Variants in MAGI3 observed in about 807,000 individuals in gnomAD.
MAGI3 encodes membrane-associated guanylate kinase, WW and PDZ domain-containing protein 3.
In MAGI3, 43 loss-of-function variants were observed where a neutral mutation model predicts 121.8. The observed-to-expected ratio is 0.35, with a 90% CI of 0.28 to 0.46. The LOEUF is 0.46. MAGI3 is among the 20% of genes least tolerant of loss of function. The probability of loss-of-function intolerance (pLI) is 1.00; values close to 1 mark genes in which losing one functional copy is unlikely to be tolerated. For synonymous variants in MAGI3, 553 were observed against 639.3 expected (o/e 0.86, Z 2.04); for missense variants, 1,547 against 1,797.3 (o/e 0.86, Z 2.52).
chr1:113,590,295 T>G (rs1648614730), intron 4 of MAGI3, among the ~76,000 whole-genome samples, 189 bp from the exon 5 acceptor site: 1 of 152,130 alleles, frequency 6.6e-6, no homozygotes, highest in African/African-American at 2.4e-5. Flanking sequence ...ACAGAGTTAA[T>G]TGTCAATTAC....
At chr1:113,458,801 C>T (rs1393609141) in intron 1 of MAGI3, among the ~76,000 whole-genome samples, 1 of 152,198 alleles carries the variant, frequency 6.6e-6, no homozygotes, top group African/African-American at 2.4e-5. Flanking sequence ...GAACTTCCTG[C>T]CTTGGCCTCC....
At chr1:113,543,776 G>A (rs540760627) in intron 1 of MAGI3, among the ~76,000 whole-genome samples, 5 of 152,102 alleles carry the variant, frequency 3.3e-5, no homozygotes, top group Admixed American at 6.5e-5. Context: ...GCTGAGGTGG[G>A]AGGATTGCTG....
At chr1:113,520,502 T>TA (rs1228638831) in intron 1 of MAGI3, among the ~76,000 whole-genome samples, 21 of 152,340 alleles carry the variant, frequency 1.4e-4, no homozygotes, top group African/African-American at 4.8e-4. Flanking sequence ...TAAGCTTACT[T>TA]ATACTGCTAT....
chr1:113,614,276 A>C (rs1021047966), intron 6 of MAGI3, among the ~76,000 whole-genome samples: 4 of 152,182 alleles, frequency 2.6e-5, no homozygotes, highest in Admixed American at 6.5e-5. Context: ...CTACAAGGGT[A>C]AATATGTCTT....
chr1:113,481,163 C>A (rs1199797194), intron 1 of MAGI3, among the ~76,000 whole-genome samples: 1 of 152,124 alleles, frequency 6.6e-6, no homozygotes, highest in African/African-American at 2.4e-5. Context: ...TAGTTTTCTT[C>A]AAAAATTTCC....
At chr1:113,612,499 T>C (rs182374008) in intron 6 of MAGI3, among the ~76,000 whole-genome samples, 1 of 152,198 alleles carries the variant, frequency 6.6e-6, no homozygotes, top group East Asian at 1.9e-4. Flanking sequence ...AATAAATGAA[T>C]TGATCCACTA....
intron 1 of MAGI3, among the ~76,000 whole-genome samples, chr1:113,539,969 T>C (rs746927747): frequency 6.6e-6 from 1 of 152,058 alleles, no homozygotes; most frequent in East Asian, 1.9e-4. Flanking sequence ...TTTGTATTTT[T>C]AAAATACAGA....
Position 113,646,508 on chromosome 1 carries a change from C to A in MAGI3, c.2021C>A (p.Ala674Glu). ...CAGAAAACAGATAAAAAGGAAAATG[C>A]AGGAAGTTTGGAGGCCATAAATGAG... ...AKMKTDKKEN[A>E]GSLEAINEPI... The change falls in exon 12 of 21, where the codon GCA becomes GAA. Residue 674 changes from alanine to glutamate, a missense_variant. Transcript: ENST00000307546. 6.2e-7 allele frequency: 1 copy of A among 1,604,026 alleles called. No homozygotes were observed. The highest frequency in any genetic ancestry group is 8.5e-7 in the Non-Finnish European group (1 of 1,176,232).
intron 20 of MAGI3, among the ~76,000 whole-genome samples, chr1:113,681,673 A>T (rs907780304): frequency 7.2e-5 from 11 of 152,254 alleles, no homozygotes; most frequent in Non-Finnish European, 1.5e-4. Context: ...AAAATATCCC[A>T]GCTTTTTCTC....
intron 2 of MAGI3, among the ~76,000 whole-genome samples, chr1:113,551,285 C>T (rs1353401807): frequency 6.6e-6 from 1 of 152,080 alleles, no homozygotes; most frequent in African/African-American, 2.4e-5. Context: ...AGTGTTTGTC[C>T]CCTTCCCCCA....
At chr1:113,626,307 TA>T (rs1455036503) in intron 9 of MAGI3, among the ~76,000 whole-genome samples, 2 of 152,246 alleles carry the variant, frequency 1.3e-5, no homozygotes, top group African/African-American at 4.8e-5. Flanking sequence ...ATTCCTGGGA[TA>T]AATCCCACTT....
chr1:113,589,335 C>T (rs1648560855), intron 4 of MAGI3, among the ~76,000 whole-genome samples: 1 of 151,926 alleles, frequency 6.6e-6, no homozygotes, highest in Non-Finnish European at 1.5e-5. Flanking sequence ...CATTAAATGC[C>T]CACATAAGGT....
intron 1 of MAGI3, among the ~76,000 whole-genome samples, chr1:113,457,353 C>A (rs1654809328): frequency 6.6e-6 from 1 of 152,140 alleles, no homozygotes; most frequent in Non-Finnish European, 1.5e-5. Context: ...TTTTACAAAT[C>A]TACAATTTCC....
intron 2 of MAGI3, among the ~76,000 whole-genome samples, chr1:113,572,900 T>C (rs921338082): frequency 1.6e-4 from 25 of 152,088 alleles, no homozygotes; most frequent in African/African-American, 6.0e-4. Flanking sequence ...TCAGTTCTGC[T>C]TTGATCTTGG....
At chr1:113,482,242 G>A (rs1452269580) in intron 1 of MAGI3, among the ~76,000 whole-genome samples, 1 of 152,128 alleles carries the variant, frequency 6.6e-6, no homozygotes, top group Non-Finnish European at 1.5e-5. Flanking sequence ...TTATGATGTT[G>A]AACTTTTGAG....
chr1:113,563,241 G>T (rs913752896), intron 2 of MAGI3, among the ~76,000 whole-genome samples: 35 of 152,072 alleles, frequency 2.3e-4, no homozygotes, highest in Admixed American at 1.3e-4. Flanking sequence ...AAGTTATTTG[G>T]CAAAATTCAA....
chr1:113,427,004 T>C (rs1653044226), intron 1 of MAGI3, among the ~76,000 whole-genome samples: 1 of 152,158 alleles, frequency 6.6e-6, no homozygotes, highest in Non-Finnish European at 1.5e-5. Context: ...CCTCTCTTTA[T>C]ATATTTGTGT....
intron 1 of MAGI3, among the ~76,000 whole-genome samples, chr1:113,514,642 G>A (rs1192361382): frequency 1.3e-5 from 2 of 152,044 alleles, no homozygotes; most frequent in Admixed American, 1.3e-4. Flanking sequence ...TGGGGGAGGG[G>A]GAGGGATAGC....
chr1:113,479,319 G>A (rs969302166), intron 1 of MAGI3, among the ~76,000 whole-genome samples: 3 of 152,056 alleles, frequency 2.0e-5, no homozygotes, highest in Admixed American at 6.5e-5. Flanking sequence ...GAAATCACCC[G>A]TCTTCTGCGT....
Sources: allele counts gnomAD v4.1 joint callset (sites outside exome capture counted in the v4.1 genomes callset), GRCh38; gene constraint gnomAD v4.1.1; transcripts MANE v1.5; gene names NCBI Gene and HGNC (gene_info 2026-07-23, HGNC 2026-07-21).